TRAM2: variants seen among roughly 807,000 people sequenced by gnomAD.
TRAM2 encodes the protein translocation associated membrane protein 2.
In TRAM2, 12 loss-of-function variants were observed where a neutral mutation model predicts 51.0. The ratio of observed to expected loss-of-function variants is 0.24; its 90% CI spans 0.15 to 0.38. The LOEUF (loss-of-function observed/expected upper bound fraction) is 0.38, where lower values mean the gene tolerates loss of function less well. TRAM2 is among the 10% of genes least tolerant of loss of function. The probability of loss-of-function intolerance (pLI) is 1.00; values close to 1 mark genes in which losing one functional copy is unlikely to be tolerated. For missense variants in TRAM2, 361 were observed against 462.0 expected (o/e 0.78, Z 2.00); for synonymous variants, 175 against 179.4 (o/e 0.98, Z 0.20).
chr6:52,518,760 G>A (rs1405215499), intron 2 of TRAM2, among the ~76,000 whole-genome samples: 2 of 152,196 alleles, frequency 1.3e-5, no homozygotes, highest in Non-Finnish European at 1.5e-5. Context: ...TCTACCACAT[G>A]TGACGCCAGG....
chr6:52,529,944 AAAG>A (rs1446334914), intron 2 of TRAM2: 2 of 152,164 alleles, frequency 1.3e-5, no homozygotes, highest in Non-Finnish European at 2.9e-5. Context: ...GTTTAATTAG[AAAG>A]AAGACTCAGA....
At chr6:52,532,878 C>G (rs1316811634) in intron 2 of TRAM2, among the ~76,000 whole-genome samples, 2 of 152,018 alleles carry the variant, frequency 1.3e-5, no homozygotes, top group African/African-American at 4.8e-5. Context: ...TGATGGGGTC[C>G]TGTGTAACTT....
rs377529505 is a variant in TRAM2, at chr6:52,542,279, A to T, written c.121-6433T>A. ...ATTTTTGGGTTTTTTTTTTTTTTAA[A>T]AAAAATAGTCTTTTAGCCTTTTTTC... On this transcript the variant is annotated intron_variant, in intron 1 of 10. Transcript: ENST00000182527. Among the ~76,000 whole-genome samples, 292 of 128,534 alleles carry T rather than the reference A, an allele frequency of 2.3e-3. 3 individuals are homozygous for T. Among genetic ancestry groups the T allele is most frequent in the African/African-American group, 8.9e-3 (244 of 27,310 alleles). 84.3% of individuals were successfully genotyped at this position (128,534 alleles called of 152,430 possible).
intron 1 of TRAM2, among the ~76,000 whole-genome samples, chr6:52,545,143 C>T (rs1767175794): frequency 6.6e-6 from 1 of 152,216 alleles, no homozygotes; most frequent in African/African-American, 2.4e-5. Context: ...CTGATGGTGA[C>T]TTCATGCAGG....
chr6:52,553,080 C>A (rs556764778), intron 1 of TRAM2, among the ~76,000 whole-genome samples: 1 of 152,256 alleles, frequency 6.6e-6, no homozygotes, highest in East Asian at 1.9e-4. Context: ...AATAGCCAGG[C>A]ATATACACAC....
intron 2 of TRAM2, among the ~76,000 whole-genome samples, chr6:52,518,976 G>A (rs1766610853): frequency 6.6e-6 from 1 of 152,174 alleles, no homozygotes; most frequent in African/African-American, 2.4e-5. Context: ...AGCCCTTTAC[G>A]AGGGTCACCT....
chr6:52,576,647 G>A lies in TRAM2; in HGVS notation c.120+149C>T, dbSNP rs1182676067. 35 of 1,075,560 alleles carry A rather than the reference G, an allele frequency of 3.3e-5. No homozygotes were observed. The South Asian group carries it at 5.5e-4, about 17-fold the overall frequency. The allele number at this position is 1,075,560 out of a possible 1,614,324, so 66.6% of individuals were successfully genotyped here. A position where few individuals can be genotyped will look rare whatever the true frequency, so the allele number is the denominator to read the frequency against. ...GGCTGGCCGGGGTACAGGCCGGAGG[G>A]GTACAGTGCACAAAGCCGGGGTGCA... On this transcript the variant is annotated intron_variant, in intron 1 of 10. Transcript: ENST00000182527.
At chr6:52,535,542 G>A (rs1766964236) in intron 2 of TRAM2, among the ~76,000 whole-genome samples, 1 of 152,226 alleles carries the variant, frequency 6.6e-6, no homozygotes, top group South Asian at 2.1e-4. Flanking sequence ...TTAGTAGGGC[G>A]TGGTGGCACA....
At chr6:52,539,939 A>C (rs968739854) in intron 1 of TRAM2, among the ~76,000 whole-genome samples, 3 of 152,094 alleles carry the variant, frequency 2.0e-5, no homozygotes, top group Non-Finnish European at 4.4e-5. Context: ...ATATTTAGTG[A>C]CTACAGATGA....
At chr6:52,534,350 C>T (rs929996679) in intron 2 of TRAM2, among the ~76,000 whole-genome samples, 2 of 151,850 alleles carry the variant, frequency 1.3e-5, no homozygotes, top group African/African-American at 4.8e-5. Flanking sequence ...CATTGCACTC[C>T]AGCCTGGGCA....
intron 4 of TRAM2, among the ~76,000 whole-genome samples, chr6:52,512,347 G>T (rs1180906912): frequency 6.6e-6 from 1 of 152,170 alleles, no homozygotes; most frequent in African/African-American, 2.4e-5. Flanking sequence ...AATGTTGCCT[G>T]CTTGTGAATG....
chr6:52,519,217 C>G (rs78409952), intron 2 of TRAM2, among the ~76,000 whole-genome samples: 21,453 of 152,122 alleles, frequency 0.14, 2,122 homozygotes, highest in East Asian at 0.58. Context: ...TGGAGCTTAG[C>G]GGGTACACAC....
intron 4 of TRAM2, among the ~76,000 whole-genome samples, chr6:52,512,430 C>T (rs569829252): frequency 6.6e-6 from 1 of 152,176 alleles, no homozygotes; most frequent in Non-Finnish European, 1.5e-5. Flanking sequence ...AAAAATGACT[C>T]ACTGCTCTGA....
At chr6:52,576,290 C>T (rs1767763577) in intron 1 of TRAM2, among the ~76,000 whole-genome samples, 1 of 152,236 alleles carries the variant, frequency 6.6e-6, no homozygotes, top group Non-Finnish European at 1.5e-5. Context: ...CGAGCACGTT[C>T]CAGAGCTGAG....
chr6:52,561,900 G>A (rs534438256), intron 1 of TRAM2, among the ~76,000 whole-genome samples: 2 of 152,332 alleles, frequency 1.3e-5, no homozygotes, highest in Non-Finnish European at 2.9e-5. Context: ...GAGCCACCAG[G>A]CCAGCCAAAC....
At chr6:52,515,313 A>G (rs971182263) in intron 4 of TRAM2, among the ~76,000 whole-genome samples, 4 of 152,194 alleles carry the variant, frequency 2.6e-5, no homozygotes, top group Non-Finnish European at 5.9e-5. Context: ...TGTTACAGGA[A>G]ACTCCAAAGG....
chr6:52,569,086 C>G (rs914268776), intron 1 of TRAM2, among the ~76,000 whole-genome samples: 1 of 152,214 alleles, frequency 6.6e-6, no homozygotes, highest in Admixed American at 6.5e-5. Context: ...GCACCTTGAT[C>G]TTCAGAACTA....
At chr6:52,503,384 G>A in intron 10 of TRAM2, 114 bp from the exon 11 acceptor site, 1 of 923,028 alleles carries the variant, frequency 1.1e-6, no homozygotes, top group South Asian at 1.3e-5. Flanking sequence ...TGCTATACAT[G>A]GATGCACCAA....
Position 52,535,361 on chromosome 6 carries a change from C to G in TRAM2, c.184+422G>C, listed in dbSNP as rs556694599. ...ACCACTGCAATCTCAGTGGTGGAGG[C>G]TGCCAGAGGCTGGTTGAAATATCTA... On this transcript the variant is annotated intron_variant, in intron 2 of 10. Transcript: ENST00000182527. Among the ~76,000 whole-genome samples, 3 of 152,332 alleles carry G rather than the reference C, an allele frequency of 2.0e-5. No individual in the cohort carries two copies. In the East Asian group the frequency reaches 5.8e-4, roughly 29 times the overall value.
Sources: gnomAD v4.1 joint callset for allele counts (sites outside exome capture counted in the v4.1 genomes callset) on GRCh38, gnomAD v4.1.1 for gene constraint, MANE v1.5 for transcripts, NCBI Gene and HGNC (gene_info 2026-07-23, HGNC 2026-07-21) for gene names.